LRRC9: variants seen among roughly 807,000 people sequenced by gnomAD.
LRRC9 encodes leucine-rich repeat-containing protein 9.
LRRC9 carries 122 observed loss-of-function variants against 63.2 expected under a neutral mutation model. The ratio of observed to expected loss-of-function variants is 1.93; its 90% CI spans 1.67 to 2.24. The LOEUF (loss-of-function observed/expected upper bound fraction) is 2.24. Ranked by LOEUF, LRRC9 falls within the 30% of genes most tolerant of loss-of-function variation. The probability of loss-of-function intolerance (pLI) is 0.00; values close to 1 mark genes in which losing one functional copy is unlikely to be tolerated. For missense variants in LRRC9, 1,071 were observed against 627.7 expected, an observed-to-expected ratio of 1.71 and a Z score of -7.55; for synonymous variants, 366 against 213.1, an observed-to-expected ratio of 1.72 and a Z score of -6.25.
chr14:60,002,019 T>C (rs898932938), exon 20 of LRRC9: 1 of 702,286 alleles, frequency 1.4e-6, no homozygotes, highest in South Asian at 1.5e-5. Flanking sequence ...GGATACTTAG[T>C]ATATGGCCTT....
Position 59,932,625 on chromosome 14 carries a change from C to T in LRRC9, c.543+586C>T, listed in dbSNP as rs1248351729. On this transcript the variant is annotated intron_variant, in intron 6 of 31. Coordinates refer to ENST00000445360, the Ensembl canonical transcript of LRRC9. The surrounding 1 kb of genome is among the most constrained non-coding windows in gnomAD (Gnocchi z 4.7). ...CAGTCATTTGTGACTCTTCTTATTC[C>T]TTCATACCCTCATCCAATCCATCAG... Among the ~76,000 whole-genome samples, 1 of 151,984 alleles carries T rather than the reference C, an allele frequency of 6.6e-6. No homozygotes were observed. The highest frequency in any genetic ancestry group is 6.6e-5 in the Admixed American group (1 of 15,248).
In LRRC9 at chr14:59,974,139, T is replaced by C. The variant is rs76767315; in HGVS notation, c.1507-437T>C. Among the ~76,000 whole-genome samples, 514 of 152,222 alleles carry C rather than the reference T, an allele frequency of 3.4e-3. 17 individuals carry two copies. In the East Asian group the frequency reaches 0.058, roughly 17 times the overall value. Reference sequence around the variant, plus strand: ...ACTAGGATTTCCATGGGTTAACACATGAAAAGTGTTTTGTTTCTAGAAAAC... The same window carrying C: ...ACTAGGATTTCCATGGGTTAACACACGAAAAGTGTTTTGTTTCTAGAAAAC... On this transcript the variant is annotated intron_variant, in intron 12 of 31. Transcript: ENST00000445360.
At chr14:59,991,816 A>C (rs1360900823) in intron 17 of LRRC9, among the ~76,000 whole-genome samples, 1 of 152,004 alleles carries the variant, frequency 6.6e-6, no homozygotes, top group East Asian at 1.9e-4. Flanking sequence ...GCAGCCCAGA[A>C]GCTCGAACTG....
At chr14:59,935,154 G>C (rs1017576619) in intron 6 of LRRC9, among the ~76,000 whole-genome samples, 2 of 150,454 alleles carry the variant, frequency 1.3e-5, no homozygotes, top group African/African-American at 2.4e-5. Flanking sequence ...ATAGCCAGGC[G>C]TGGTGGTGGG....
At chr14:60,030,860 A>G (rs1452171960) in intron 28 of LRRC9, among the ~76,000 whole-genome samples, 2 of 152,074 alleles carry the variant, frequency 1.3e-5, no homozygotes, top group Non-Finnish European at 2.9e-5. Flanking sequence ...TAAAAATGGG[A>G]AGCCATCAGC....
intron 13 of LRRC9, among the ~76,000 whole-genome samples, chr14:59,976,224 T>C (rs1025943653): frequency 3.3e-5 from 5 of 152,240 alleles, no homozygotes; most frequent in Admixed American, 1.3e-4. Context: ...TTTCATTATA[T>C]GTTACAATGT....
At chr14:59,928,841 A>G (rs1233157392) in intron 3 of LRRC9, among the ~76,000 whole-genome samples, 1 of 152,084 alleles carries the variant, frequency 6.6e-6, no homozygotes, top group Admixed American at 6.6e-5. Flanking sequence ...CATCTATTCA[A>G]TATATGGTGC....
intron 13 of LRRC9, among the ~76,000 whole-genome samples, chr14:59,975,081 T>TA: frequency 1.0e-5 from 1 of 98,226 alleles, no homozygotes; most frequent in African/African-American, 3.6e-5. Flanking sequence ...TGTGTGTGTG[T>TA]GTGTAGTGTA....
chr14:59,970,851 A>C lies in LRRC9; in HGVS notation c.1506+3638A>C, dbSNP rs141849939. 3.6e-3 allele frequency among the ~76,000 whole-genome samples: 550 copies of C among 152,230 alleles called. 6 individuals carry two copies. Among genetic ancestry groups the C allele is most frequent in the African/African-American group, 0.013 (525 of 41,536 alleles). On this transcript the variant is annotated intron_variant, in intron 12 of 31. Transcript: ENST00000445360. ...GACCTTTGTTGGATGCACAGTTTGC[A>C]GAATTTTTCTCCCATTCTGTAGATT...
At chr14:60,046,090 T>A (rs1163113913) in intron 29 of LRRC9, among the ~76,000 whole-genome samples, 1 of 152,218 alleles carries the variant, frequency 6.6e-6, no homozygotes, top group East Asian at 1.9e-4. Flanking sequence ...TATCTGTTCA[T>A]GTCCTTTGCC....
intron 29 of LRRC9, among the ~76,000 whole-genome samples, chr14:60,046,648 C>A (rs1893447741): frequency 6.6e-6 from 1 of 152,056 alleles, no homozygotes; most frequent in Non-Finnish European, 1.5e-5. Context: ...GTTTTTGTAC[C>A]ACTACCGTGC....
chr14:60,043,327 C>T (rs1419110140), intron 29 of LRRC9, among the ~76,000 whole-genome samples: 1 of 152,170 alleles, frequency 6.6e-6, no homozygotes, highest in East Asian at 1.9e-4. Flanking sequence ...ACTTCCACTA[C>T]TATATTGAAA....
rs1189281778 is a variant in LRRC9 at position 59,936,096 on chromosome 14, CT to C, written c.544-2293del. 6.6e-6 allele frequency among the ~76,000 whole-genome samples: 1 copy of C among 152,046 alleles called. No homozygotes were observed. The highest frequency in any genetic ancestry group is 1.5e-5 in the Non-Finnish European group (1 of 68,004). On this transcript the variant is annotated intron_variant, in intron 6 of 31. Coordinates refer to ENST00000445360, the Ensembl canonical transcript of LRRC9. The surrounding 1 kb of genome is among the most constrained non-coding windows in gnomAD (Gnocchi z 4.2). ...TTGGTGAAATAACAATGTAAAGTACCTAAATAGTGACCAGCACATAGTAAGG... is the reference window on the plus strand; with the variant it reads ...TTGGTGAAATAACAATGTAAAGTACCAAATAGTGACCAGCACATAGTAAGG...
intron 6 of LRRC9, among the ~76,000 whole-genome samples, chr14:59,933,926 G>T: frequency 6.6e-6 from 1 of 152,082 alleles, no homozygotes; most frequent in East Asian, 1.9e-4. Flanking sequence ...AAGGTCAATT[G>T]GGTCTCGAAT....
chr14:59,941,924 GT>G (rs1014483325), intron 7 of LRRC9, among the ~76,000 whole-genome samples: 6 of 151,972 alleles, frequency 3.9e-5, no homozygotes, highest in Admixed American at 3.9e-4. Flanking sequence ...CTGTAATTTT[GT>G]ACCCTTAACC....
chr14:59,968,258 C>T (rs1294834230), intron 12 of LRRC9, among the ~76,000 whole-genome samples: 2 of 152,002 alleles, frequency 1.3e-5, no homozygotes, highest in Admixed American at 6.6e-5. Context: ...ATAGAGGTTA[C>T]CAAAGGCTCT....
chr14:59,921,939 C>G (rs1398113107), intron 1 of LRRC9, among the ~76,000 whole-genome samples: 3 of 151,644 alleles, frequency 2.0e-5, no homozygotes, highest in Non-Finnish European at 2.9e-5. Context: ...CAAAAATTAG[C>G]CGGGTGTGAT....
At chr14:60,018,015 T>C (rs559098945) in intron 24 of LRRC9, among the ~76,000 whole-genome samples, 4 of 152,232 alleles carry the variant, frequency 2.6e-5, no homozygotes, top group African/African-American at 9.6e-5. Flanking sequence ...GAAAAGCTTA[T>C]GATTTACAAT....
intron 29 of LRRC9, among the ~76,000 whole-genome samples, chr14:60,035,095 C>CT (rs1892315945): frequency 1.0e-5 from 1 of 100,212 alleles, no homozygotes. Flanking sequence ...TTATTAGTGA[C>CT]TTTGAGCATT....
Sources: allele counts gnomAD v4.1 joint callset (sites outside exome capture counted in the v4.1 genomes callset), GRCh38; gene constraint gnomAD v4.1.1; non-coding constraint Gnocchi (gnomAD v3.1); transcripts MANE v1.5; gene names NCBI Gene and HGNC (gene_info 2026-07-23, HGNC 2026-07-21).